Variants in NEGR1 observed in about 807,000 individuals in gnomAD.
The protein encoded by NEGR1 is IgLON family member 4.
Under a neutral mutation model 40.9 loss-of-function variants are expected in NEGR1, and 10 were observed. The observed-to-expected ratio is 0.24, with a 90% CI of 0.15 to 0.42. The LOEUF (loss-of-function observed/expected upper bound fraction) is 0.42, where lower values mean the gene tolerates loss of function less well. Ranked by LOEUF, NEGR1 falls within the 10% of genes least tolerant of loss-of-function variation. The pLI, the probability that NEGR1 is intolerant of heterozygous loss-of-function variation, is 1.00. For missense variants in NEGR1, 352 were observed against 438.9 expected, an observed-to-expected ratio of 0.80 and a Z score of 1.77; for synonymous variants, 185 against 166.8, an observed-to-expected ratio of 1.11 and a Z score of -0.84.
intron 3 of NEGR1, among the ~76,000 whole-genome samples, chr1:71,710,977 C>G (rs1654061640): frequency 6.6e-6 from 1 of 151,956 alleles, no homozygotes; most frequent in Non-Finnish European, 1.5e-5. Context: ...ATGTCTGTAT[C>G]AAAATATCTC....
At position 71,397,932 on chromosome 1, in the gene NEGR1, G is replaced by T. The variant is rs929611950; in HGVS notation, c.*9514C>A. The T allele has an allele frequency of 6.6e-6, 1 of 152,386 alleles. No homozygotes were observed. The highest frequency in any genetic ancestry group is 2.4e-5 in the African/African-American group (1 of 41,566). 9.4% of individuals were successfully genotyped at this position (152,386 alleles called of 1,614,324 possible). On this transcript the variant is annotated 3_prime_UTR_variant, in exon 7 of 7. Coordinates refer to ENST00000357731, the MANE Select transcript of NEGR1 (RefSeq NM_173808.3). ...TAGGAACTTGGTGCTCTGCCTCCCA[G>T]TTGCTCCCAGGATGATTTAAATGAA...
chr1:71,647,150 A>G (rs765517927), intron 4 of NEGR1, among the ~76,000 whole-genome samples: 20 of 151,778 alleles, frequency 1.3e-4, no homozygotes, highest in Non-Finnish European at 2.1e-4. Context: ...TTTGGACTCA[A>G]TCCCACTCAT....
At chr1:72,147,640 C>T (rs1557550258) in intron 1 of NEGR1, among the ~76,000 whole-genome samples, 1 of 152,080 alleles carries the variant, frequency 6.6e-6, no homozygotes, top group Non-Finnish European at 1.5e-5. Flanking sequence ...TCTAAATGTC[C>T]ACAGTCCAAA....
intron 6 of NEGR1, among the ~76,000 whole-genome samples, chr1:71,412,650 C>T (rs894172974): frequency 4.6e-5 from 7 of 152,128 alleles, no homozygotes; most frequent in Non-Finnish European, 1.0e-4. Flanking sequence ...TGTGATTTCT[C>T]ACCCTCAAGG....
chr1:71,525,388 C>T (rs1416654375), intron 6 of NEGR1, among the ~76,000 whole-genome samples: 1 of 151,650 alleles, frequency 6.6e-6, no homozygotes, highest in Non-Finnish European at 1.5e-5. Flanking sequence ...AAATGCTCTC[C>T]CATTATAAAT....
chr1:71,692,580 G>A (rs1653323210), intron 4 of NEGR1, among the ~76,000 whole-genome samples: 1 of 151,512 alleles, frequency 6.6e-6, no homozygotes, highest in South Asian at 2.1e-4. Flanking sequence ...CCAAGGCTTT[G>A]GAGAAAACTT....
chr1:71,851,748 T>A (rs1358564616), intron 2 of NEGR1, among the ~76,000 whole-genome samples: 1 of 152,176 alleles, frequency 6.6e-6, no homozygotes, highest in Non-Finnish European at 1.5e-5. Context: ...TTCTATTTAC[T>A]TCTTTGTTTG....
At chr1:71,678,546 T>C (rs1040566667) in intron 4 of NEGR1, among the ~76,000 whole-genome samples, 3 of 152,094 alleles carry the variant, frequency 2.0e-5, no homozygotes, top group Non-Finnish European at 4.4e-5. Flanking sequence ...GCTTGGCAGG[T>C]CCACCCAGAG....
intron 6 of NEGR1, among the ~76,000 whole-genome samples, chr1:71,560,117 T>C (rs1648399880): frequency 6.6e-6 from 1 of 151,238 alleles, no homozygotes; most frequent in Non-Finnish European, 1.5e-5. Flanking sequence ...ATGATAACTA[T>C]ATATGAAAGT....
chr1:72,277,458 G>A lies in NEGR1; in HGVS notation c.176+4861C>T, dbSNP rs373676974. Among the ~76,000 whole-genome samples, 6 of 152,214 alleles carry A rather than the reference G, an allele frequency of 3.9e-5. No individual in the cohort carries two copies. In the East Asian group the frequency reaches 9.7e-4, roughly 25 times the overall value. ...TTCAAAGATCTATACAACTACATGGGCTTTTGAATTCTTCTGAACTAAAAA... is the reference window on the plus strand; with the variant it reads ...TTCAAAGATCTATACAACTACATGGACTTTTGAATTCTTCTGAACTAAAAA... On this transcript the variant is annotated intron_variant, in intron 1 of 6. Coordinates refer to ENST00000357731, the MANE Select transcript of NEGR1 (RefSeq NM_173808.3).
At chr1:71,461,036 G>T (rs1417107687) in intron 6 of NEGR1, among the ~76,000 whole-genome samples, 1 of 151,928 alleles carries the variant, frequency 6.6e-6, no homozygotes, top group African/African-American at 2.4e-5. Context: ...CATGTATGGT[G>T]AACTTTCTAC....
At chr1:71,777,891 AACACATTAT>A (rs1225653679) in intron 2 of NEGR1, among the ~76,000 whole-genome samples, 2 of 152,100 alleles carry the variant, frequency 1.3e-5, no homozygotes, top group Non-Finnish European at 2.9e-5. Flanking sequence ...TGGCATTTAA[AACACATTAT>A]CATCAAACTC....
chr1:71,513,529 T>G (rs1460074693), intron 6 of NEGR1, among the ~76,000 whole-genome samples: 3 of 152,252 alleles, frequency 2.0e-5, no homozygotes, highest in African/African-American at 7.2e-5. Flanking sequence ...ATCTTTCTCC[T>G]GAAGGCAAGC....
intron 6 of NEGR1, 154 bp from the exon 7 acceptor site, chr1:71,407,724 G>GT: frequency 3.3e-6 from 2 of 613,506 alleles, no homozygotes; most frequent in South Asian, 4.6e-5. Context: ...ATGACAACGT[G>GT]TGGGCTATGT....
chr1:71,860,508 G>C (rs1659914174), intron 2 of NEGR1, among the ~76,000 whole-genome samples: 1 of 151,922 alleles, frequency 6.6e-6, no homozygotes, highest in Admixed American at 6.6e-5. Flanking sequence ...TGTTTCATTA[G>C]AGTGACTCTG....
intron 4 of NEGR1, among the ~76,000 whole-genome samples, chr1:71,658,614 T>C (rs1044248883): frequency 2.0e-5 from 3 of 152,266 alleles, no homozygotes; most frequent in African/African-American, 7.2e-5. Context: ...ATTTTTAACA[T>C]GAAGACCCTG....
In NEGR1 at chr1:71,621,563, T is replaced by C. The variant is rs1428700304; in HGVS notation, c.668-10417A>G. Among the ~76,000 whole-genome samples the C allele has an allele frequency of 2.6e-5, 4 of 151,788 alleles. No homozygotes were observed. The East Asian group carries it at 7.7e-4, about 29-fold the overall frequency. The stretch of plus-strand genomic sequence containing the variant: ...AATGTGACAGAGTACTAAGCTGTGA[T>C]CTTTGATTCCCTTATGTTTGAAAAG... On this transcript the variant is annotated intron_variant, in intron 4 of 6. Transcript: ENST00000357731.
At chr1:72,265,960 TTAAG>T (rs1237836247) in intron 1 of NEGR1, among the ~76,000 whole-genome samples, 1 of 150,980 alleles carries the variant, frequency 6.6e-6, no homozygotes, top group Non-Finnish European at 1.5e-5. Context: ...AGTGATTTTA[TTAAG>T]TAAAATTCCA....
At chr1:71,962,569 T>A (rs1646174455) in intron 1 of NEGR1, among the ~76,000 whole-genome samples, 1 of 152,054 alleles carries the variant, frequency 6.6e-6, no homozygotes, top group African/African-American at 2.4e-5. Context: ...CTGCCCTAGT[T>A]GGCTCTATTC....
Sources: allele counts gnomAD v4.1 joint callset (sites outside exome capture counted in the v4.1 genomes callset), GRCh38; gene constraint gnomAD v4.1.1; transcripts MANE v1.5; gene names NCBI Gene and HGNC (gene_info 2026-07-23, HGNC 2026-07-21).